The following CFAP96 variants were observed in gnomAD, a reference collection of about 807,000 sequenced individuals.
The protein encoded by CFAP96 is cilia and flagella associated protein 96, also known as cilia-and flagella-associated protein 96.
the CFAP96 span, among the ~76,000 whole-genome samples, chr4:185,434,897 C>T: frequency 2.3e-3 from 344 of 152,258 alleles, 2 homozygotes; most frequent in Non-Finnish European, 4.3e-3. Context: ...CAGGCCACCA[C>T]GCCCGGCTAG....
At chr4:185,441,663 A>T in the CFAP96 span, among the ~76,000 whole-genome samples, 3 of 150,080 alleles carry the variant, frequency 2.0e-5, no homozygotes, top group Non-Finnish European at 4.4e-5. Context: ...ATTTCTTTTA[A>T]TTAATTTTTA....
At chr4:185,449,114 A>G in the CFAP96 span, among the ~76,000 whole-genome samples, 1 of 152,208 alleles carries the variant, frequency 6.6e-6, no homozygotes, top group African/African-American at 2.4e-5. Context: ...CTAAGTATAT[A>G]TGGCTTTAAT....
chr4:185,438,674 T>C, the CFAP96 span, among the ~76,000 whole-genome samples: 1 of 152,226 alleles, frequency 6.6e-6, no homozygotes, highest in South Asian at 2.1e-4. Flanking sequence ...TTTGTATTCT[T>C]ATAAATATTC....
the CFAP96 span, among the ~76,000 whole-genome samples, chr4:185,420,377 A>G: frequency 1.3e-5 from 2 of 152,208 alleles, no homozygotes; most frequent in Non-Finnish European, 2.9e-5. Flanking sequence ...AAAACAATAT[A>G]AGAAGATATA....
chr4:185,417,944 C>T, the CFAP96 span, among the ~76,000 whole-genome samples: 1,499 of 151,274 alleles, frequency 9.9e-3, 35 homozygotes, highest in African/African-American at 0.035. Context: ...CTCAGGAGGC[C>T]GAGGCAGGAG....
At chr4:185,442,628 T>G in the CFAP96 span, among the ~76,000 whole-genome samples, 1 of 152,186 alleles carries the variant, frequency 6.6e-6, no homozygotes, top group Non-Finnish European at 1.5e-5. Flanking sequence ...TTTTATGTCA[T>G]GCTCATGCCC....
At chr4:185,444,174 C>T in the CFAP96 span, among the ~76,000 whole-genome samples, 5 of 150,316 alleles carry the variant, frequency 3.3e-5, no homozygotes, top group African/African-American at 7.3e-5. Context: ...AGGATGGTCT[C>T]GATCTCCTGA....
the CFAP96 span, chr4:185,440,448 C>A: frequency 1.3e-6 from 1 of 778,418 alleles, no homozygotes; most frequent in South Asian, 1.9e-5. Context: ...ATTTAAGAAT[C>A]ATATTTATAT....
chr4:185,409,357 TTTG>T, the CFAP96 span, among the ~76,000 whole-genome samples: 2 of 152,302 alleles, frequency 1.3e-5, no homozygotes, highest in East Asian at 1.9e-4. Flanking sequence ...GAACTGGGTT[TTTG>T]TTTTTATTTT....
chr4:185,441,079 T>C, the CFAP96 span, among the ~76,000 whole-genome samples: 1,290 of 151,844 alleles, frequency 8.5e-3, 16 homozygotes, highest in African/African-American at 0.03. Flanking sequence ...GCCTCCAGAG[T>C]AGCTGAGATT....
At chr4:185,443,759 GTTTA>G in the CFAP96 span, among the ~76,000 whole-genome samples, 355 of 151,656 alleles carry the variant, frequency 2.3e-3, 6 homozygotes, top group Admixed American at 0.02. Flanking sequence ...CATCACTTGG[GTTTA>G]TTTAACTTAT....
At chr4:185,435,940 C>T in the CFAP96 span, 1 of 815,690 alleles carries the variant, frequency 1.2e-6, no homozygotes. Flanking sequence ...TTAAAACTAG[C>T]ATTTTTTTCT....
At chr4:185,436,309 C>T in the CFAP96 span, 64 of 1,550,960 alleles carry the variant, frequency 4.1e-5, 2 homozygotes, top group East Asian at 1.4e-3. Flanking sequence ...CATAGGTAAA[C>T]AGTTTTCACA....
At chr4:185,429,267 A>G in the CFAP96 span, 4 of 509,576 alleles carry the variant, frequency 7.8e-6, no homozygotes, top group Non-Finnish European at 1.4e-5. Flanking sequence ...AAGTAATTAG[A>G]ACTGGAAATT....
the CFAP96 span, among the ~76,000 whole-genome samples, chr4:185,445,966 C>T: frequency 7.9e-5 from 12 of 152,202 alleles, 1 homozygote; most frequent in South Asian, 1.9e-3. Context: ...CTCAGCCTCC[C>T]GAGTAGCTGG....
At chr4:185,432,201 CGTAA>C in the CFAP96 span, 1 of 1,549,172 alleles carries the variant, frequency 6.5e-7, no homozygotes, top group Non-Finnish European at 8.7e-7. Flanking sequence ...GAGAAAAAGC[CGTAA>C]GTGTTTTTTG....
chr4:185,436,397 A>G, the CFAP96 span: 2 of 1,390,428 alleles, frequency 1.4e-6, no homozygotes. Flanking sequence ...CCTTTCTTTT[A>G]TTTAGCTAAC....
chr4:185,418,498 T>C, the CFAP96 span: 6 of 1,612,080 alleles, frequency 3.7e-6, no homozygotes, highest in Admixed American at 5.0e-5. Context: ...TATCTTCTTC[T>C]GGCTCAAATC....
chr4:185,435,989 CTT>C, the CFAP96 span: 82 of 1,337,500 alleles, frequency 6.1e-5, no homozygotes, highest in Non-Finnish European at 8.0e-5. Flanking sequence ...ATAAAATAGA[CTT>C]AAACTTTGCC....
Sources: gnomAD v4.1 joint callset for allele counts (sites outside exome capture counted in the v4.1 genomes callset) on GRCh38, gnomAD v4.1.1 for gene constraint, MANE v1.5 for transcripts, NCBI Gene and HGNC (gene_info 2026-07-23, HGNC 2026-07-21) for gene names.